Variants in ZNF618 observed in about 807,000 individuals in gnomAD.
The protein encoded by ZNF618 is neural precursor cell expressed, developmentally down-regulated 10.
A neutral mutation model predicts 103.0 loss-of-function variants in ZNF618; 34 were observed. That is an observed-to-expected ratio of 0.33 (90% CI 0.25 to 0.44). The LOEUF (loss-of-function observed/expected upper bound fraction) is 0.44. Ranked by LOEUF, ZNF618 falls within the 20% of genes least tolerant of loss-of-function variation. ZNF618 has a pLI of 1.00. For missense variants in ZNF618, 1,059 were observed against 1,295.4 expected (o/e 0.82, Z 2.80); for synonymous variants, 551 against 542.2 (o/e 1.02, Z -0.23).
intron 4 of ZNF618, 49 bp downstream of exon 4, chr9:113,998,403 G>A: frequency 6.7e-7 from 1 of 1,491,900 alleles, no homozygotes; most frequent in Non-Finnish European, 9.1e-7. Flanking sequence ...AGTATGGGTG[G>A]GGGCACAGCT....
Position 113,889,346 on chromosome 9 carries a change from T to TC in ZNF618, c.33+12933_33+12934insC, listed in dbSNP as rs67471128. ...CTCTCTCTCTCTCTCTCTCTCTCTC[T>TC]TTCTCTCCCTCCCTCTCCATGTGTG... On this transcript the variant is annotated intron_variant, in intron 1 of 14. Transcript: ENST00000374126. Among the ~76,000 whole-genome samples the TC allele has an allele frequency of 8.5e-3, 1,224 of 144,552 alleles. 5 individuals carry two copies. The highest frequency in any genetic ancestry group is 0.017 in the Middle Eastern group (5 of 294). 94.8% of individuals were successfully genotyped at this position (144,552 alleles called of 152,430 possible).
intron 3 of ZNF618, among the ~76,000 whole-genome samples, chr9:113,993,518 C>A (rs1370714343): frequency 6.6e-6 from 1 of 152,156 alleles, no homozygotes; most frequent in African/African-American, 2.4e-5. Context: ...TAAGGATGCC[C>A]GCATCCCATT....
chr9:113,908,510 A>G (rs1050561768), intron 1 of ZNF618, among the ~76,000 whole-genome samples: 1 of 151,752 alleles, frequency 6.6e-6, no homozygotes. Flanking sequence ...TTTTTTTTTG[A>G]CCTGAAAGTT....
intron 1 of ZNF618, among the ~76,000 whole-genome samples, chr9:113,939,959 TTC>T (rs531868239): frequency 3.5e-4 from 53 of 152,208 alleles, no homozygotes; most frequent in African/African-American, 1.0e-3. Context: ...TTTCTTTAAC[TTC>T]TGTTTATTTT....
intron 11 of ZNF618, among the ~76,000 whole-genome samples, chr9:114,029,546 T>G (rs973149239): frequency 1.3e-5 from 2 of 152,166 alleles, no homozygotes; most frequent in African/African-American, 4.8e-5. Flanking sequence ...TTGTCTGTCT[T>G]ACATCCAACC....
chr9:113,972,766 C>T (rs769178378), intron 2 of ZNF618, among the ~76,000 whole-genome samples: 14 of 152,222 alleles, frequency 9.2e-5, no homozygotes, highest in South Asian at 8.3e-4. Context: ...ATATGTTAAA[C>T]GTCAAGAGAA....
At chr9:114,008,808 T>G (rs1321231094) in intron 9 of ZNF618, among the ~76,000 whole-genome samples, 1 of 152,186 alleles carries the variant, frequency 6.6e-6, no homozygotes, top group Non-Finnish European at 1.5e-5. Flanking sequence ...GCTTACAGGC[T>G]TGGTGTCCTC....
At chr9:113,979,061 C>T (rs1249509219) in intron 2 of ZNF618, among the ~76,000 whole-genome samples, 3 of 152,160 alleles carry the variant, frequency 2.0e-5, no homozygotes, top group African/African-American at 7.2e-5. Flanking sequence ...TGACACCTGC[C>T]AGAGGACCAA....
chr9:113,917,235 CTTTTTTTTT>C (rs56300784), intron 1 of ZNF618, among the ~76,000 whole-genome samples: 34 of 74,262 alleles, frequency 4.6e-4, no homozygotes, highest in East Asian at 4.1e-4. Context: ...TCTCTCTATC[CTTTTTTTTT>C]TTTTTTTTTT....
In ZNF618 at chr9:114,050,640, G is replaced by A. The variant is rs929089335; in HGVS notation, c.*473G>A. On this transcript the variant is annotated 3_prime_UTR_variant, in exon 15 of 15. Coordinates refer to ENST00000374126, the MANE Select transcript of ZNF618 (RefSeq NM_001318042.2). Reference sequence around the variant, plus strand: ...CAGGTGTGCAGATTGGCAGAAAGCTGATGTTGTGAAATGTTCAGGCAGCTG... The same window carrying A: ...CAGGTGTGCAGATTGGCAGAAAGCTAATGTTGTGAAATGTTCAGGCAGCTG... 1 of 153,694 alleles carries A rather than the reference G, an allele frequency of 6.5e-6. No homozygotes were observed. The highest frequency in any genetic ancestry group is 2.1e-4 in the South Asian group (1 of 4,878). 9.5% of individuals were successfully genotyped at this position (153,694 alleles called of 1,614,324 possible).
intron 10 of ZNF618, among the ~76,000 whole-genome samples, chr9:114,022,734 G>A (rs10982037): frequency 0.092 from 13,933 of 151,708 alleles, 770 homozygotes; most frequent in African/African-American, 0.15. Context: ...TGAGAGAGAA[G>A]CATCAAAATT....
intron 1 of ZNF618, among the ~76,000 whole-genome samples, chr9:113,920,733 TAAG>T (rs1489285669): frequency 4.6e-5 from 7 of 152,150 alleles, no homozygotes; most frequent in Admixed American, 2.0e-4. Flanking sequence ...GTTTACATCA[TAAG>T]GTGGTGGTAA....
chr9:113,918,069 C>G (rs1046311128), intron 1 of ZNF618, among the ~76,000 whole-genome samples: 5 of 152,144 alleles, frequency 3.3e-5, no homozygotes, highest in Non-Finnish European at 5.9e-5. Context: ...AGGGGCAGAT[C>G]CTTGGTCAGT....
chr9:113,944,141 T>G (rs1008143376), intron 1 of ZNF618, among the ~76,000 whole-genome samples: 1 of 152,192 alleles, frequency 6.6e-6, no homozygotes, highest in African/African-American at 2.4e-5. Flanking sequence ...TTTTCTGCTT[T>G]ATTGAAGATC....
intron 1 of ZNF618, among the ~76,000 whole-genome samples, chr9:113,936,426 A>G (rs1834035126): frequency 6.6e-6 from 1 of 152,258 alleles, no homozygotes; most frequent in African/African-American, 2.4e-5. Context: ...GAAAGAATGA[A>G]TGGGAATCTT....
chr9:113,905,898 T>G (rs954656313), intron 1 of ZNF618, among the ~76,000 whole-genome samples: 2 of 152,184 alleles, frequency 1.3e-5, no homozygotes, highest in African/African-American at 4.8e-5. Flanking sequence ...AGCTTGATCA[T>G]TCTCCAGGCA....
chr9:114,012,959 A>G (rs2133890291), intron 9 of ZNF618, among the ~76,000 whole-genome samples: 1 of 151,968 alleles, frequency 6.6e-6, no homozygotes, highest in Non-Finnish European at 1.5e-5. Context: ...ACCTGTACCT[A>G]CATAGATCTC....
intron 1 of ZNF618, among the ~76,000 whole-genome samples, chr9:113,900,699 G>A (rs576081047): frequency 2.7e-4 from 39 of 146,020 alleles, no homozygotes; most frequent in African/African-American, 8.0e-4. Context: ...CTGTCTCCTA[G>A]CACCGTCCTC....
intron 1 of ZNF618, among the ~76,000 whole-genome samples, chr9:113,931,425 G>A (rs1833575931): frequency 6.6e-6 from 1 of 152,178 alleles, no homozygotes; most frequent in African/African-American, 2.4e-5. Flanking sequence ...GGAGTGGAGG[G>A]CACAGAGATT....
Sources: allele counts gnomAD v4.1 joint callset (sites outside exome capture counted in the v4.1 genomes callset), GRCh38; gene constraint gnomAD v4.1.1; transcripts MANE v1.5; gene names NCBI Gene and HGNC (gene_info 2026-07-23, HGNC 2026-07-21).